FBXL5: variants seen among roughly 807,000 people sequenced by gnomAD.
FBXL5 encodes the protein F-box/LRR-repeat protein 5.
Under a neutral mutation model 78.3 loss-of-function variants are expected in FBXL5, and 26 were observed. The observed-to-expected ratio is 0.33, with a 90% CI of 0.24 to 0.46. The LOEUF (loss-of-function observed/expected upper bound fraction) is 0.46. Among genes scored for constraint, FBXL5 ranks in the 20% least tolerant of loss-of-function variants. The pLI, the probability that FBXL5 is intolerant of heterozygous loss-of-function variation, is 1.00. For synonymous variants in FBXL5, 295 were observed against 282.5 expected (o/e 1.04, Z -0.45); for missense variants, 710 against 829.2 (o/e 0.86, Z 1.77).
intron 6 of FBXL5, 23 bp from the exon 7 acceptor site, chr4:15,628,056 C>A (rs201940128): frequency 2.3e-4 from 367 of 1,599,746 alleles, no homozygotes; most frequent in Non-Finnish European, 2.9e-4. Context: ...TTCAAAAGTC[C>A]AAGAACTTGA....
intron 4 of FBXL5, among the ~76,000 whole-genome samples, chr4:15,637,444 T>C (rs960732494): frequency 2.0e-5 from 3 of 152,224 alleles, no homozygotes; most frequent in African/African-American, 7.2e-5. Context: ...ATGAAGAATT[T>C]GAGTACTTTA....
chr4:15,634,818 C>G (rs1478395613), intron 5 of FBXL5, among the ~76,000 whole-genome samples: 1 of 151,968 alleles, frequency 6.6e-6, no homozygotes, highest in East Asian at 1.9e-4. Context: ...TTTGACATTC[C>G]TATCAAATCG....
chr4:15,676,762 T>C (rs918408214), intron 1 of FBXL5, among the ~76,000 whole-genome samples: 4 of 152,206 alleles, frequency 2.6e-5, no homozygotes. Flanking sequence ...TATACAATTC[T>C]TTACTTTTGT....
chr4:15,614,357 C>T (rs1414580523), intron 9 of FBXL5, among the ~76,000 whole-genome samples: 2 of 152,172 alleles, frequency 1.3e-5, no homozygotes, highest in East Asian at 3.9e-4. Context: ...GTGAAGTGGA[C>T]TCTGTGAGGG....
chr4:15,666,463 A>C (rs1269152638), intron 1 of FBXL5, among the ~76,000 whole-genome samples: 1 of 152,008 alleles, frequency 6.6e-6, no homozygotes, highest in Non-Finnish European at 1.5e-5. Context: ...ATAAAGTTAA[A>C]CTCATATAAG....
chr4:15,626,607 A>G (rs1713090199), intron 8 of FBXL5, among the ~76,000 whole-genome samples: 1 of 152,230 alleles, frequency 6.6e-6, no homozygotes, highest in Non-Finnish European at 1.5e-5. Flanking sequence ...AAAACATATA[A>G]TACCAATCTA....
chr4:15,664,414 A>G (rs1194305049), upstream of FBXL5, among the ~76,000 whole-genome samples: 3 of 152,072 alleles, frequency 2.0e-5, no homozygotes, highest in African/African-American at 7.2e-5. Context: ...ACTAATTCCT[A>G]TTGAACAGGA....
chr4:15,618,506 CAAAAT>C (rs1397810939), intron 9 of FBXL5, among the ~76,000 whole-genome samples: 1 of 152,142 alleles, frequency 6.6e-6, no homozygotes, highest in African/African-American at 2.4e-5. Flanking sequence ...GAGACCAAAA[CAAAAT>C]AGTTTCACTG....
intron 9 of FBXL5, among the ~76,000 whole-genome samples, chr4:15,618,476 A>G (rs1350206373): frequency 6.6e-6 from 1 of 152,264 alleles, no homozygotes; most frequent in Admixed American, 6.5e-5. Context: ...AAGAAGATGA[A>G]TCAAAACCCT....
intron 1 of FBXL5, among the ~76,000 whole-genome samples, chr4:15,650,661 CTTTTTT>C (rs34334098): frequency 2.7e-4 from 21 of 77,914 alleles, no homozygotes; most frequent in Middle Eastern, 9.3e-3. Flanking sequence ...AACTGACTTT[CTTTTTT>C]TTTTTTTTTT....
rs12507207 is a variant in FBXL5 at position 15,666,023 on chromosome 4, T to A, written c.-283-6101A>T. On this transcript the variant is annotated intron_variant, in intron 1 of 4. Coordinates refer to the FBXL5 transcript ENST00000507899. Reference sequence around the variant, plus strand: ...CAATTTCCTACTGACAACCTTTTTTTAAAAAAAAAAAAATGACCATTTCCT... The same window carrying A: ...CAATTTCCTACTGACAACCTTTTTTAAAAAAAAAAAAAATGACCATTTCCT... Among the ~76,000 whole-genome samples the A allele has an allele frequency of 1.4e-3, 215 of 148,342 alleles. 1 individual carries two copies. In the East Asian group the frequency reaches 0.025, roughly 17 times the overall value.
chr4:15,664,702 C>T (rs751962851), upstream of FBXL5, among the ~76,000 whole-genome samples: 4 of 151,832 alleles, frequency 2.6e-5, no homozygotes, highest in Non-Finnish European at 4.4e-5. Context: ...GGATTACAGG[C>T]GCCTGATACC....
At chr4:15,648,110 GCATC>G (rs1355865266) in intron 1 of FBXL5, among the ~76,000 whole-genome samples, 2 of 152,156 alleles carry the variant, frequency 1.3e-5, no homozygotes, top group East Asian at 3.9e-4. Context: ...TCCTGACTCA[GCATC>G]CTGAGTTGCT....
At chr4:15,614,198 T>C (rs1010537856) in intron 9 of FBXL5, among the ~76,000 whole-genome samples, 3 of 152,214 alleles carry the variant, frequency 2.0e-5, no homozygotes, top group African/African-American at 7.2e-5. Context: ...ACTGCTGTAA[T>C]TGTTCTTTTC....
intron 1 of FBXL5, among the ~76,000 whole-genome samples, chr4:15,675,160 T>G (rs74735140): frequency 1.2e-3 from 187 of 152,030 alleles, no homozygotes; most frequent in African/African-American, 4.3e-3. Flanking sequence ...ATTGATTTTT[T>G]ATGTTAAGTC....
At chr4:15,667,760 T>A (rs1717606679) in intron 1 of FBXL5, among the ~76,000 whole-genome samples, 1 of 152,086 alleles carries the variant, frequency 6.6e-6, no homozygotes, top group South Asian at 2.1e-4. Context: ...CTTCCTGGTA[T>A]AAGATGGTCA....
intron 1 of FBXL5, among the ~76,000 whole-genome samples, chr4:15,649,618 C>T (rs1161085098): frequency 7.0e-6 from 1 of 142,686 alleles, no homozygotes; most frequent in African/African-American, 2.5e-5. Flanking sequence ...AAAGAATAAA[C>T]AGAATATACA....
chr4:15,608,128 A>G (rs1219163120), intron 10 of FBXL5, among the ~76,000 whole-genome samples: 4 of 152,102 alleles, frequency 2.6e-5, no homozygotes, highest in South Asian at 2.1e-4. Flanking sequence ...CTATAGTCCT[A>G]TTTTTTTAAA....
At chr4:15,678,960 T>TA (rs532023934) in intron 1 of FBXL5, among the ~76,000 whole-genome samples, 2 of 151,718 alleles carry the variant, frequency 1.3e-5, no homozygotes, top group East Asian at 1.9e-4. Context: ...TCAGCAGAAA[T>TA]AAAAAACAAA....
Sources: allele counts gnomAD v4.1 joint callset (sites outside exome capture counted in the v4.1 genomes callset), GRCh38; gene constraint gnomAD v4.1.1; transcripts MANE v1.5; gene names NCBI Gene and HGNC (gene_info 2026-07-23, HGNC 2026-07-21).